DLGAP2: variants seen among roughly 807,000 people sequenced by gnomAD.
DLGAP2 encodes disks large-associated protein 2.
In DLGAP2, 26 loss-of-function variants were observed where a neutral mutation model predicts 100.3. That is an observed-to-expected ratio of 0.26 (90% confidence interval 0.19 to 0.36). DLGAP2 has a LOEUF of 0.36. Among genes scored for constraint, DLGAP2 ranks in the 10% least tolerant of loss-of-function variants. DLGAP2 has a pLI of 1.00. For missense variants in DLGAP2, 1,858 were observed against 1,453.2 expected (o/e 1.28, Z -4.53); for synonymous variants, 886 against 630.1 (o/e 1.41, Z -6.08).
At chr8:1,272,228 T>C (rs1407246224) in intron 3 of DLGAP2, among the ~76,000 whole-genome samples, 3 of 152,180 alleles carry the variant, frequency 2.0e-5, no homozygotes, top group African/African-American at 4.8e-5. Flanking sequence ...TAGGACAAAT[T>C]GAATTTGAGT....
In DLGAP2 at chr8:1,557,609, C is replaced by T. The variant is rs147490365; in HGVS notation, c.1230+7926C>T. Among the ~76,000 whole-genome samples the T allele has an allele frequency of 7.6e-4, 116 of 152,192 alleles. 1 individual carries two copies. The East Asian group carries it at 0.012, about 16-fold the overall frequency. ...GCGTGAGTCAGCTCGGGTGCCATGA[C>T]GGGCATACACACCCGGGGGGCGTGT... On this transcript the variant is annotated intron_variant, in intron 5 of 14. Transcript: ENST00000637795.
At chr8:1,165,725 T>C (rs1797002359) in intron 2 of DLGAP2, among the ~76,000 whole-genome samples, 1 of 152,236 alleles carries the variant, frequency 6.6e-6, no homozygotes, top group Non-Finnish European at 1.5e-5. Flanking sequence ...CAAACAATAT[T>C]ATGAAGATTT....
At position 1,628,110 on chromosome 8, in the gene DLGAP2, C is replaced by T. The variant is rs1350506559; in HGVS notation, c.1590+1223C>T. Among the ~76,000 whole-genome samples the T allele has an allele frequency of 7.0e-4, 70 of 100,530 alleles. 1 individual carries two copies. Among genetic ancestry groups the T allele is most frequent in the African/African-American group, 3.2e-3 (63 of 19,942 alleles). The allele number at this position is 100,530 out of a possible 152,430, so 66.0% of individuals were successfully genotyped here. A position where few individuals can be genotyped will look rare whatever the true frequency, so the allele number is the denominator to read the frequency against. On this transcript the variant is annotated intron_variant, in intron 7 of 14. Transcript: ENST00000637795. ...TGGAGCAGGAATTAAGAGCTTGAGC[C>T]GACCTCACATTCTGTCTGACTTACT...
intron 1 of DLGAP2, among the ~76,000 whole-genome samples, chr8:886,198 T>C (rs536613861): frequency 3.9e-5 from 6 of 152,342 alleles, no homozygotes; most frequent in African/African-American, 1.4e-4. Context: ...GAGGTGTTTA[T>C]AGTATTCTCT....
intron 3 of DLGAP2, among the ~76,000 whole-genome samples, chr8:1,265,825 TTAATA>T (rs1799439237): frequency 6.6e-6 from 1 of 152,026 alleles, no homozygotes; most frequent in South Asian, 2.1e-4. Context: ...TGCAAAATAT[TTAATA>T]TAAAGGTGAA....
At chr8:1,600,767 A>C (rs1349441228) in intron 6 of DLGAP2, among the ~76,000 whole-genome samples, 4 of 152,258 alleles carry the variant, frequency 2.6e-5, no homozygotes, top group African/African-American at 9.6e-5. Flanking sequence ...CTAGTTAGCA[A>C]TTCCTGTAAC....
At chr8:793,879 T>G (rs1176678057) in intron 1 of DLGAP2, among the ~76,000 whole-genome samples, 1 of 152,266 alleles carries the variant, frequency 6.6e-6, no homozygotes, top group South Asian at 2.1e-4. Flanking sequence ...CTGTTACGGC[T>G]TCTCAGCTTT....
chr8:826,203 C>T (rs1796682480), intron 1 of DLGAP2, among the ~76,000 whole-genome samples: 1 of 152,224 alleles, frequency 6.6e-6, no homozygotes, highest in Admixed American at 6.5e-5. Context: ...ATGTGCACCA[C>T]ATTTTCTTTA....
At chr8:1,668,266 C>T in intron 8 of DLGAP2, 63 bp from the exon 9 acceptor site, 4 of 1,405,718 alleles carry the variant, frequency 2.8e-6, no homozygotes, top group Non-Finnish European at 3.8e-6. Flanking sequence ...CGTGGGGAAA[C>T]AGTAGACCAC....
chr8:1,123,709 T>C (rs982305184), intron 2 of DLGAP2, among the ~76,000 whole-genome samples: 1 of 152,152 alleles, frequency 6.6e-6, no homozygotes, highest in Non-Finnish European at 1.5e-5. Context: ...CCTCTTTTTC[T>C]CCTCCTCCAG....
intron 3 of DLGAP2, among the ~76,000 whole-genome samples, chr8:1,437,020 G>A (rs930339384): frequency 1.3e-5 from 2 of 152,062 alleles, no homozygotes; most frequent in African/African-American, 4.8e-5. Flanking sequence ...GACGCCATCC[G>A]GGTCTGCGTT....
intron 3 of DLGAP2, among the ~76,000 whole-genome samples, chr8:1,500,209 C>G (rs1799672363): frequency 6.6e-6 from 1 of 152,264 alleles, no homozygotes; most frequent in Non-Finnish European, 1.5e-5. Context: ...GTGCCAAATT[C>G]TCCCTTATCT....
intron 2 of DLGAP2, among the ~76,000 whole-genome samples, chr8:1,108,356 C>T (rs1056426941): frequency 6.6e-6 from 1 of 152,170 alleles, no homozygotes; most frequent in Non-Finnish European, 1.5e-5. Context: ...ACAAACGAAA[C>T]CCTGGGAGCA....
chr8:1,440,139 G>C (rs1472370997), intron 3 of DLGAP2, among the ~76,000 whole-genome samples: 1 of 151,726 alleles, frequency 6.6e-6, no homozygotes, highest in South Asian at 2.1e-4. Flanking sequence ...ATTTTAAGAA[G>C]AAAAAAAGGA....
chr8:1,366,815 G>A (rs565325888), intron 3 of DLGAP2, among the ~76,000 whole-genome samples: 5 of 152,306 alleles, frequency 3.3e-5, no homozygotes, highest in African/African-American at 1.2e-4. Context: ...AATGTAATAA[G>A]GGGGTCTGTG....
intron 2 of DLGAP2, among the ~76,000 whole-genome samples, chr8:1,164,339 A>AAC (rs1796967602): frequency 8.8e-6 from 1 of 113,884 alleles, no homozygotes; most frequent in Non-Finnish European, 2.0e-5. Flanking sequence ...TTTTTCTGTG[A>AAC]GCCCGCAGGG....
chr8:1,206,699 C>G (rs769342807), intron 2 of DLGAP2, among the ~76,000 whole-genome samples: 25 of 152,246 alleles, frequency 1.6e-4, no homozygotes, highest in Non-Finnish European at 2.8e-4. Context: ...CCCTCCTGGT[C>G]TCCCGAGCGC....
chr8:1,683,952 G>A (rs1176670788), intron 12 of DLGAP2, among the ~76,000 whole-genome samples: 1 of 20,346 alleles, frequency 4.9e-5, no homozygotes, highest in African/African-American at 2.1e-4. Flanking sequence ...ATATATATGT[G>A]TGTATATATA....
At position 1,319,082 on chromosome 8, in the gene DLGAP2, C is replaced by T. The variant is rs575765287; in HGVS notation, c.106+60199C>T. 3.3e-5 allele frequency among the ~76,000 whole-genome samples: 5 copies of T among 152,094 alleles called. No homozygotes were observed. In the South Asian group the frequency reaches 1.0e-3, roughly 32 times the overall value. ...TCGTTGAAGCAGAATGGAGACTTGG[C>T]GGGATTAGCGGCCTCTGAGGTCTCC... On this transcript the variant is annotated intron_variant, in intron 3 of 14. Transcript: ENST00000637795.
Sources: allele counts gnomAD v4.1 joint callset (sites outside exome capture counted in the v4.1 genomes callset), GRCh38; gene constraint gnomAD v4.1.1; transcripts MANE v1.5; gene names NCBI Gene and HGNC (gene_info 2026-07-23, HGNC 2026-07-21).